The following CHM variants were observed in gnomAD, a reference collection of about 807,000 sequenced individuals.
CHM encodes CHM Rab escort protein.
A neutral mutation model predicts 49.0 loss-of-function variants in CHM; 10 were observed. That is an observed-to-expected ratio of 0.20 (90% CI 0.13 to 0.35). The LOEUF (loss-of-function observed/expected upper bound fraction) is 0.35, where lower values mean the gene tolerates loss of function less well. Ranked by LOEUF, CHM falls within the 10% of genes least tolerant of loss-of-function variation. The pLI, the probability that CHM is intolerant of heterozygous loss-of-function variation, is 1.00. For synonymous variants in CHM, 184 were observed against 167.5 expected, an observed-to-expected ratio of 1.10 and a Z score of -0.76; for missense variants, 455 against 478.4, an observed-to-expected ratio of 0.95 and a Z score of 0.46.
At chrX:85,931,475 TC>T (rs1483073622) in intron 8 of CHM, among the ~76,000 whole-genome samples, 2 of 111,863 alleles carry the variant, frequency 1.8e-5, no homozygotes, top group Non-Finnish European at 3.8e-5. Context: ...AAACAAGAAA[TC>T]TAAAATTGTG....
chrX:85,913,336 G>A (rs778019033), intron 8 of CHM, among the ~76,000 whole-genome samples: 520 of 38,633 alleles, frequency 0.013, 5 homozygotes, highest in Non-Finnish European at 0.022. Context: ...AAAAAAAAAA[G>A]AAAGAAAGAA....
chrX:85,908,790 T>C (rs1280525523), intron 9 of CHM, among the ~76,000 whole-genome samples: 1 of 111,753 alleles, frequency 8.9e-6, no homozygotes, highest in African/African-American at 3.2e-5. Flanking sequence ...AAGAAGACTG[T>C]GTGCTATTTA....
intron 2 of CHM, among the ~76,000 whole-genome samples, chrX:86,020,845 C>T (rs1389971918): frequency 9.9e-6 from 1 of 101,217 alleles, no homozygotes; most frequent in African/African-American, 3.6e-5. Context: ...ATATGTGATA[C>T]ATCATATATA....
At chrX:85,893,500 T>G (rs1036194105) in intron 12 of CHM, among the ~76,000 whole-genome samples, 1 of 111,981 alleles carries the variant, frequency 8.9e-6, no homozygotes, top group African/African-American at 3.2e-5. Flanking sequence ...CTCCCCACAA[T>G]TCATTTGTTG....
chrX:85,906,650 T>C (rs983813715), intron 9 of CHM, among the ~76,000 whole-genome samples: 4 of 111,830 alleles, frequency 3.6e-5, no homozygotes, highest in African/African-American at 1.3e-4. Flanking sequence ...CCATGTTTCA[T>C]TCACTTCTTT....
At chrX:86,021,125 C>CATATATATAT (rs1569254991) in intron 2 of CHM, among the ~76,000 whole-genome samples, 112 of 19,965 alleles carry the variant, frequency 5.6e-3, no homozygotes, top group Non-Finnish European at 7.4e-3. Context: ...TGTGTATATA[C>CATATATATAT]GTATATATAT....
At chrX:86,046,775 C>T (rs1281154384) in intron 1 of CHM, among the ~76,000 whole-genome samples, 1 of 111,528 alleles carries the variant, frequency 9.0e-6, no homozygotes, top group Non-Finnish European at 1.9e-5. Flanking sequence ...GAACAAACGA[C>T]GGGAAAACAA....
intron 4 of CHM, among the ~76,000 whole-genome samples, chrX:85,968,178 A>C (rs73506448): frequency 1.9e-3 from 216 of 112,352 alleles, no homozygotes; most frequent in Middle Eastern, 9.3e-3. Flanking sequence ...TATTCATAAG[A>C]ATTACAAAAA....
At chrX:85,942,310 C>G (rs1338865774) in intron 8 of CHM, among the ~76,000 whole-genome samples, 2 of 93,992 alleles carry the variant, frequency 2.1e-5, no homozygotes, top group Non-Finnish European at 4.1e-5. Flanking sequence ...ATCCCAGAAG[C>G]ACTCTTGTAT....
chrX:86,005,873 A>C (rs1165487931), intron 2 of CHM, among the ~76,000 whole-genome samples: 1 of 111,993 alleles, frequency 8.9e-6, no homozygotes, highest in African/African-American at 3.2e-5. Flanking sequence ...AAACTATTCC[A>C]ATCAATAGAA....
chrX:85,951,879 T>G (rs1174824574), intron 8 of CHM, among the ~76,000 whole-genome samples: 1 of 111,259 alleles, frequency 9.0e-6, no homozygotes, highest in African/African-American at 3.3e-5. Context: ...AGTGGCCACA[T>G]GGTGTGGAAA....
chrX:86,016,569 T>C (rs1390927590), intron 2 of CHM, among the ~76,000 whole-genome samples: 1 of 112,742 alleles, frequency 8.9e-6, no homozygotes, highest in Non-Finnish European at 1.9e-5. Flanking sequence ...CTTCCACATG[T>C]TGCTGAGCCT....
chrX:85,887,320 T>G (rs1925146278), intron 12 of CHM, among the ~76,000 whole-genome samples: 1 of 111,157 alleles, frequency 9.0e-6, no homozygotes, highest in Non-Finnish European at 1.9e-5. Flanking sequence ...AGAGGGAGTT[T>G]CCCTGCACAA....
At chrX:85,965,075 A>T (rs760246091) in intron 4 of CHM, among the ~76,000 whole-genome samples, 1 of 111,954 alleles carries the variant, frequency 8.9e-6, no homozygotes, top group Non-Finnish European at 1.9e-5. Flanking sequence ...CTTATTTACT[A>T]ATCTTCTGGT....
chrX:86,033,170 T>A (rs1421916714), intron 1 of CHM, among the ~76,000 whole-genome samples: 7 of 111,404 alleles, frequency 6.3e-5, no homozygotes, highest in African/African-American at 2.3e-4. Flanking sequence ...ATTCTTAAAA[T>A]GTATTAGTAT....
At chrX:85,909,506 C>T (rs1465181958) in intron 9 of CHM, among the ~76,000 whole-genome samples, 2 of 111,221 alleles carry the variant, frequency 1.8e-5, no homozygotes, top group African/African-American at 6.5e-5. Flanking sequence ...TGCATTTTTG[C>T]CAAGATTACC....
intron 1 of CHM, among the ~76,000 whole-genome samples, chrX:86,027,789 G>A (rs904453374): frequency 9.2e-6 from 1 of 108,664 alleles, no homozygotes; most frequent in Non-Finnish European, 1.9e-5. Context: ...TTTTTGAGAC[G>A]GAGTCTCACT....
rs1923567293 is a variant in CHM at position 85,864,551 on chromosome X, T to C, written c.*79A>G. ...AATTGCTGCTGCTTTCTAACATTTC[T>C]CAAACAGTCCTTCTATCAAGTAGAC... On this transcript the variant is annotated 3_prime_UTR_variant, in exon 15 of 15. Transcript: ENST00000357749. 1 of 881,933 alleles carries C rather than the reference T, an allele frequency of 1.1e-6. No homozygotes were observed. The highest frequency in any genetic ancestry group is 1.6e-6 in the Non-Finnish European group (1 of 608,451). 72.7% of individuals were successfully genotyped at this position (881,933 alleles called of 1,213,427 possible). A position where few individuals can be genotyped will look rare whatever the true frequency, so the allele number is the denominator to read the frequency against.
intron 1 of CHM, among the ~76,000 whole-genome samples, chrX:86,032,272 T>G (rs1372812315): frequency 8.9e-6 from 1 of 112,207 alleles, no homozygotes; most frequent in Non-Finnish European, 1.9e-5. Flanking sequence ...CTGGAAACAC[T>G]CTGTAAAATG....
Sources: allele counts gnomAD v4.1 joint callset (sites outside exome capture counted in the v4.1 genomes callset), GRCh38; gene constraint gnomAD v4.1.1; transcripts MANE v1.5; gene names NCBI Gene and HGNC (gene_info 2026-07-23, HGNC 2026-07-21).